The following ELP1 variants were observed in gnomAD, a reference collection of about 807,000 sequenced individuals.
ELP1 encodes the protein elongator complex protein 1.
A neutral mutation model predicts 183.2 loss-of-function variants in ELP1; 131 were observed. The observed-to-expected ratio is 0.72, with a 90% confidence interval of 0.62 to 0.83. The LOEUF (loss-of-function observed/expected upper bound fraction) is 0.83. ELP1 is among the 40% of genes least tolerant of loss of function. ELP1 has a pLI of 0.00. For synonymous variants in ELP1, 555 were observed against 569.0 expected, an observed-to-expected ratio of 0.98 and a Z score of 0.35; for missense variants, 1,550 against 1,594.9, an observed-to-expected ratio of 0.97 and a Z score of 0.48.
chr9:108,888,185 A>T (rs569896889), intron 29 of ELP1, among the ~76,000 whole-genome samples: 1 of 152,336 alleles, frequency 6.6e-6, no homozygotes, highest in African/African-American at 2.4e-5. Context: ...TTCTGTTTAT[A>T]TGAAATTCTA....
intron 10 of ELP1, 136 bp from the exon 11 acceptor site, chr9:108,912,630 A>G (rs1829273097): frequency 2.9e-6 from 2 of 679,138 alleles, no homozygotes; most frequent in African/African-American, 3.6e-5. Flanking sequence ...AATAAGAACA[A>G]TAATAACTGC....
At chr9:108,889,307 T>C (rs1430839022) in intron 29 of ELP1, 25 bp downstream of exon 29, 1 of 1,606,916 alleles carries the variant, frequency 6.2e-7, no homozygotes, top group Non-Finnish European at 8.5e-7. Flanking sequence ...GACTGGGGGG[T>C]TTAGAAGGGA....
chr9:108,885,344 A>G lies in ELP1; in HGVS notation c.3223-3157T>C, dbSNP rs989864650. 6.6e-5 allele frequency among the ~76,000 whole-genome samples: 10 copies of G among 152,220 alleles called. No individual in the cohort carries two copies. In the East Asian group the frequency reaches 1.9e-3, roughly 29 times the overall value. ...AATGAAAGACAGGACATCACCATAG[A>G]CCCTACGGACAGTAAAATAAGAGAA... is the stretch of plus-strand genomic sequence containing the variant. On this transcript the variant is annotated intron_variant, in intron 29 of 36. Coordinates refer to ENST00000374647, the MANE Select transcript of ELP1 (RefSeq NM_003640.5).
At chr9:108,930,831 C>T (rs1385200578) in intron 2 of ELP1, among the ~76,000 whole-genome samples, 166 bp downstream of exon 2, 1 of 151,962 alleles carries the variant, frequency 6.6e-6, no homozygotes, top group African/African-American at 2.4e-5. Context: ...AGAAGGATTA[C>T]GATTTAAGCT....
chr9:108,922,978 AAC>A, intron 5 of ELP1, 51 bp from the exon 6 acceptor site: 1 of 1,335,714 alleles, frequency 7.5e-7, no homozygotes, highest in Non-Finnish European at 1.1e-6. Context: ...ATGAAACAAA[AAC>A]AGTTTCACTG....
chr9:108,899,966 T>C, intron 19 of ELP1, 71 bp from the exon 20 acceptor site: 1 of 1,195,660 alleles, frequency 8.4e-7, no homozygotes, highest in Non-Finnish European at 1.2e-6. Context: ...TACACCATTT[T>C]ACCTAACTCT....
chr9:108,926,670 T>C, intron 4 of ELP1, 67 bp from the exon 5 acceptor site: 2 of 1,145,556 alleles, frequency 1.7e-6, no homozygotes, highest in East Asian at 2.5e-5. Context: ...TAAGTACCTA[T>C]GGCACTGTAA....
Position 108,880,099 on chromosome 9 carries a change from A to G in ELP1, c.3413T>C (p.Leu1138Ser). ...TATFSRHKKR[L>S]LVVRELKEQA... ...CTCCTTGAGCTCTCGAACTACCAAT[A>G]AACGTTTCTTGTGGCGACTGAATGT... The change falls in exon 32 of 37, where the codon TTA becomes TCA. Residue 1138 changes from leucine (L) to serine (S), a missense_variant. Coordinates refer to ENST00000374647, the MANE Select transcript of ELP1 (RefSeq NM_003640.5). 6.2e-7 allele frequency: 1 copy of G among 1,614,138 alleles called. No homozygotes were observed. The highest frequency in any genetic ancestry group is 1.1e-5 in the South Asian group (1 of 91,082).
At chr9:108,889,467 CTTTA>C in intron 28 of ELP1, 74 bp from the exon 29 acceptor site, 1 of 1,289,568 alleles carries the variant, frequency 7.8e-7, no homozygotes, top group Non-Finnish European at 1.1e-6. Context: ...TTTAATATGT[CTTTA>C]TTATGTATGA....
intron 3 of ELP1, among the ~76,000 whole-genome samples, chr9:108,928,164 T>C (rs1829879554): frequency 6.6e-6 from 1 of 152,216 alleles, no homozygotes; most frequent in African/African-American, 2.4e-5. Context: ...GTACCTACTA[T>C]GTACTCATAA....
At chr9:108,903,126 G>A (rs1362195721) in intron 15 of ELP1, among the ~76,000 whole-genome samples, 184 bp from the exon 16 acceptor site, 2 of 152,052 alleles carry the variant, frequency 1.3e-5, no homozygotes, top group Admixed American at 1.3e-4. Context: ...TGTGCACAAT[G>A]TGCAGGTTTG....
rs1231833950 is a variant in ELP1 at position 108,889,232 on chromosome 9, C to T, written c.3222+100G>A. 3 of 1,123,614 alleles carry T rather than the reference C, an allele frequency of 2.7e-6. No homozygotes were observed. In the African/African-American group the frequency reaches 4.6e-5, roughly 17 times the overall value. 69.6% of individuals were successfully genotyped at this position (1,123,614 alleles called of 1,614,324 possible). A position where few individuals can be genotyped will look rare whatever the true frequency, so the allele number is the denominator to read the frequency against. On this transcript the variant is annotated intron_variant, in intron 29 of 36. Transcript: ENST00000374647. ...GGGCAAACACTATCTCTGGACTTAA[C>T]AATTATGCACAGTTCCTTTAACTTT...
At chr9:108,926,817 A>C (rs574966865) in intron 4 of ELP1, among the ~76,000 whole-genome samples, 68 of 152,306 alleles carry the variant, frequency 4.5e-4, no homozygotes, top group East Asian at 2.3e-3. Flanking sequence ...TCAGCTATTA[A>C]TGTGTGTACA....
chr9:108,927,501 G>T, intron 3 of ELP1, 48 bp from the exon 4 acceptor site: 1 of 1,423,404 alleles, frequency 7.0e-7, no homozygotes, highest in South Asian at 1.1e-5. Flanking sequence ...TAGCATCTCA[G>T]TAAAAACTGA....
chr9:108,903,299 T>A (rs1385432872), intron 15 of ELP1, among the ~76,000 whole-genome samples: 4 of 152,086 alleles, frequency 2.6e-5, no homozygotes, highest in African/African-American at 9.7e-5. Context: ...ACTGTTCAGT[T>A]CCCACCTATG....
At chr9:108,915,013 A>G (rs2132022888) in intron 10 of ELP1, among the ~76,000 whole-genome samples, 1 of 152,238 alleles carries the variant, frequency 6.6e-6, no homozygotes, top group East Asian at 1.9e-4. Context: ...GAAAATTTGA[A>G]TAGTGATTAT....
chr9:108,895,045 G>A (rs895187026), intron 25 of ELP1, among the ~76,000 whole-genome samples: 2 of 152,090 alleles, frequency 1.3e-5, no homozygotes, highest in Admixed American at 1.3e-4. Context: ...TCACAAGTTT[G>A]AGACCAGCCT....
In ELP1 at chr9:108,902,854, G is replaced by A. The variant is rs774365133; in HGVS notation, c.1839C>T (p.Ala613=). The change falls in exon 16 of 37, where the codon GCC becomes GCT. Residue 613 remains alanine (A), a synonymous_variant. Transcript: ENST00000374647. ...GTTCACCTACCTCTTCTCCAATCATGGCCAATTCGGTCTGGGTGCATGGAT... is the reference window on the plus strand; with the variant it reads ...GTTCACCTACCTCTTCTCCAATCATAGCCAATTCGGTCTGGGTGCATGGAT... The part of the protein sequence containing the change: ...FPYPCTQTEL[A]MIGEEECVLG... 9 of 1,613,070 alleles carry A rather than the reference G, an allele frequency of 5.6e-6. No individual in the cohort carries two copies. The highest frequency in any genetic ancestry group is 7.6e-6 in the Non-Finnish European group (9 of 1,179,150).
In ELP1 at chr9:108,926,540, T is replaced by C. The variant is rs1829829537; in HGVS notation, c.449A>G (p.Gln150Arg). The change falls in exon 5 of 37, where the codon CAG becomes CGG. Residue 150 changes from glutamine to arginine, a missense_variant. By Grantham distance (43) the Gln-to-Arg change is conservative. Coordinates refer to ENST00000374647, the MANE Select transcript of ELP1 (RefSeq NM_003640.5). ...FEPILEQQIH[Q>R]DDFGESKFIT... is the part of the protein sequence containing the mutation. ...ATACTTACTTTCACCAAAATCATCCTGATGGATCTGCTGCTCCAGGATTGG... is the reference window on the plus strand; with the variant it reads ...ATACTTACTTTCACCAAAATCATCCCGATGGATCTGCTGCTCCAGGATTGG... 2 of 1,612,872 alleles carry C rather than the reference T, an allele frequency of 1.2e-6. No individual in the cohort carries two copies. Among genetic ancestry groups the C allele is most frequent in the Non-Finnish European group, 1.7e-6 (2 of 1,179,662 alleles).
Sources: allele counts gnomAD v4.1 joint callset (sites outside exome capture counted in the v4.1 genomes callset), GRCh38; gene constraint gnomAD v4.1.1; transcripts MANE v1.5; gene names NCBI Gene and HGNC (gene_info 2026-07-23, HGNC 2026-07-21).